The following XKR4 variants were observed in gnomAD, a reference collection of about 807,000 sequenced individuals.
XKR4 encodes XK-related protein 4.
Under a neutral mutation model 53.9 loss-of-function variants are expected in XKR4, and 12 were observed. The ratio of observed to expected loss-of-function variants is 0.22; its 90% CI spans 0.14 to 0.36. XKR4 has a LOEUF of 0.36. Among genes scored for constraint, XKR4 ranks in the 10% least tolerant of loss-of-function variants. XKR4 has a pLI of 1.00. For missense variants in XKR4, 799 were observed against 859.5 expected (o/e 0.93, Z 0.88); for synonymous variants, 354 against 362.4 (o/e 0.98, Z 0.26).
At chr8:55,194,782 G>T (rs1014478133) in intron 1 of XKR4, among the ~76,000 whole-genome samples, 9 of 152,164 alleles carry the variant, frequency 5.9e-5, no homozygotes, top group African/African-American at 1.9e-4. Context: ...ACAAAGGAAT[G>T]ATTCAAATAT....
At chr8:55,249,245 A>G (rs1818333130) in intron 1 of XKR4, among the ~76,000 whole-genome samples, 1 of 152,166 alleles carries the variant, frequency 6.6e-6, no homozygotes, top group Admixed American at 6.5e-5. Context: ...TAAAACCTGA[A>G]ATTGGGAAGT....
intron 2 of XKR4, among the ~76,000 whole-genome samples, chr8:55,468,273 T>C (rs1211112249): frequency 6.6e-5 from 10 of 152,156 alleles, no homozygotes; most frequent in Non-Finnish European, 1.3e-4. Context: ...CATCATTCTG[T>C]TAGCTTTCAG....
intron 2 of XKR4, among the ~76,000 whole-genome samples, chr8:55,484,583 G>A (rs1023338867): frequency 6.6e-6 from 1 of 152,192 alleles, no homozygotes; most frequent in Non-Finnish European, 1.5e-5. Flanking sequence ...ATGACATGAT[G>A]TTTAATTTTA....
At chr8:55,410,257 T>G (rs2129391097) in intron 2 of XKR4, among the ~76,000 whole-genome samples, 1 of 152,250 alleles carries the variant, frequency 6.6e-6, no homozygotes, top group East Asian at 1.9e-4. Flanking sequence ...GGCCTCATCC[T>G]TGTCTCCTCC....
chr8:55,336,105 CTG>C (rs1411631478), intron 1 of XKR4, among the ~76,000 whole-genome samples: 2 of 149,908 alleles, frequency 1.3e-5, no homozygotes, highest in Non-Finnish European at 3.0e-5. Context: ...TATGGTTTGG[CTG>C]TGTCTCCACC....
intron 2 of XKR4, among the ~76,000 whole-genome samples, chr8:55,473,235 C>T (rs536729119): frequency 3.9e-5 from 6 of 152,172 alleles, no homozygotes; most frequent in South Asian, 4.1e-4. Context: ...ATTGACCTGG[C>T]CTAAATTAAT....
intron 1 of XKR4, among the ~76,000 whole-genome samples, chr8:55,278,303 C>T (rs1476844732): frequency 6.9e-6 from 1 of 143,958 alleles, no homozygotes; most frequent in Non-Finnish European, 1.5e-5. Flanking sequence ...TGCCACTGCA[C>T]TTCAGTCTGG....
In XKR4 at chr8:55,451,116, A is replaced by G. The variant is rs115605991; in HGVS notation, c.1007-72165A>G. The G allele has an allele frequency of 5.6e-3, 2,938 of 520,662 alleles. 72 individuals carry two copies. Among genetic ancestry groups the G allele is most frequent in the African/African-American group, 0.052 (2,683 of 51,894 alleles). 32.3% of individuals were successfully genotyped at this position (520,662 alleles called of 1,614,324 possible). A position where few individuals can be genotyped will look rare whatever the true frequency, so the allele number is the denominator to read the frequency against. On this transcript the variant is annotated intron_variant, in intron 2 of 2. Coordinates refer to ENST00000327381, the MANE Select transcript of XKR4 (RefSeq NM_052898.2). The stretch of plus-strand genomic sequence containing the variant: ...CTTGAGCTGGCCTTTGTCCCCGAGG[A>G]TGTAGAGGGCTGCTTGCTGTGGCCA...
intron 1 of XKR4, among the ~76,000 whole-genome samples, chr8:55,222,059 C>G (rs1817888567): frequency 6.6e-6 from 1 of 152,178 alleles, no homozygotes; most frequent in Non-Finnish European, 1.5e-5. Context: ...GCCCCCTGCC[C>G]ACTTAGTAAC....
At chr8:55,484,782 G>A (rs147448992) in intron 2 of XKR4, among the ~76,000 whole-genome samples, 77 of 152,316 alleles carry the variant, frequency 5.1e-4, no homozygotes, top group African/African-American at 1.8e-3. Flanking sequence ...GAAAGATTAA[G>A]TAAGAAAGAA....
At chr8:55,143,402 G>T (rs561445119) in intron 1 of XKR4, among the ~76,000 whole-genome samples, 1 of 152,210 alleles carries the variant, frequency 6.6e-6, no homozygotes, top group Admixed American at 6.5e-5. Flanking sequence ...ATAAAATTTT[G>T]ATTTTTCCCA....
intron 1 of XKR4, among the ~76,000 whole-genome samples, chr8:55,127,233 CCTAA>C (rs560232525): frequency 8.5e-6 from 1 of 117,476 alleles, no homozygotes; most frequent in Non-Finnish European, 1.7e-5. Flanking sequence ...AGTTTAGGTG[CCTAA>C]CTCTTTTTTT....
chr8:55,471,769 G>A (rs1310762131), intron 2 of XKR4, among the ~76,000 whole-genome samples: 1 of 152,070 alleles, frequency 6.6e-6, no homozygotes, highest in Non-Finnish European at 1.5e-5. Context: ...TGCTCAGTGA[G>A]TTCTGGGACC....
intron 1 of XKR4, among the ~76,000 whole-genome samples, chr8:55,300,431 A>T (rs1029164182): frequency 6.6e-6 from 1 of 152,148 alleles, no homozygotes; most frequent in Non-Finnish European, 1.5e-5. Flanking sequence ...TAGTTCAGGG[A>T]CAGGTGACAG....
At chr8:55,386,796 T>C (rs899131209) in intron 2 of XKR4, among the ~76,000 whole-genome samples, 4 of 152,294 alleles carry the variant, frequency 2.6e-5, no homozygotes, top group Non-Finnish European at 5.9e-5. Context: ...TTCTAACACA[T>C]TTATTTTCTT....
intron 2 of XKR4, among the ~76,000 whole-genome samples, chr8:55,478,649 A>G (rs1806043808): frequency 6.6e-6 from 1 of 152,170 alleles, no homozygotes; most frequent in Non-Finnish European, 1.5e-5. Flanking sequence ...TGTATTCAGG[A>G]AAACCATCTC....
At chr8:55,275,618 A>T in intron 1 of XKR4, among the ~76,000 whole-genome samples, 1 of 152,334 alleles carries the variant, frequency 6.6e-6, no homozygotes, top group African/African-American at 2.4e-5. Context: ...CAGAATCTAG[A>T]TCTGCAACAT....
At chr8:55,197,876 G>A (rs1817526201) in intron 1 of XKR4, among the ~76,000 whole-genome samples, 1 of 152,110 alleles carries the variant, frequency 6.6e-6, no homozygotes, top group African/African-American at 2.4e-5. Context: ...AAAGTTTCAT[G>A]ACTAAAATTC....
intron 1 of XKR4, among the ~76,000 whole-genome samples, chr8:55,245,185 G>A (rs529633012): frequency 1.3e-5 from 2 of 152,178 alleles, no homozygotes; most frequent in Non-Finnish European, 2.9e-5. Flanking sequence ...GGGATTACAG[G>A]CATGAGCCAC....
Sources: allele counts gnomAD v4.1 joint callset (sites outside exome capture counted in the v4.1 genomes callset), GRCh38; gene constraint gnomAD v4.1.1; transcripts MANE v1.5; gene names NCBI Gene and HGNC (gene_info 2026-07-23, HGNC 2026-07-21).